The following STIM1 variants were observed in gnomAD, a reference collection of about 807,000 sequenced individuals.
STIM1 encodes the protein stromal interaction molecule 1.
STIM1 carries 25 observed loss-of-function variants against 74.7 expected under a neutral mutation model. That is an observed-to-expected ratio of 0.33 (90% CI 0.24 to 0.47). STIM1 has a LOEUF of 0.47. Among genes scored for constraint, STIM1 ranks in the 20% least tolerant of loss-of-function variants. The pLI, the probability that STIM1 is intolerant of heterozygous loss-of-function variation, is 1.00. For synonymous variants in STIM1, 328 were observed against 348.8 expected (o/e 0.94, Z 0.66); for missense variants, 728 against 920.8 (o/e 0.79, Z 2.71).
intron 3 of STIM1, among the ~76,000 whole-genome samples, chr11:4,054,241 G>C (rs991445598): frequency 6.6e-6 from 1 of 152,222 alleles, no homozygotes; most frequent in East Asian, 1.9e-4. Flanking sequence ...TCCTGAAAAG[G>C]GTTGGGCCTC....
At chr11:3,968,641 A>T (rs2093362721) in intron 2 of STIM1, among the ~76,000 whole-genome samples, 1 of 152,232 alleles carries the variant, frequency 6.6e-6, no homozygotes, top group Admixed American at 6.5e-5. Context: ...TGGAGATGGG[A>T]CTGTAAATAA....
intron 1 of STIM1, among the ~76,000 whole-genome samples, chr11:3,909,128 A>G (rs1293641736): frequency 6.6e-6 from 1 of 152,148 alleles, no homozygotes; most frequent in Non-Finnish European, 1.5e-5. Flanking sequence ...AGTGCAAATC[A>G]TTCCCAAGGT....
At chr11:4,045,966 C>T (rs1292154599) in intron 3 of STIM1, among the ~76,000 whole-genome samples, 2 of 149,450 alleles carry the variant, frequency 1.3e-5, no homozygotes, top group Admixed American at 6.7e-5. Flanking sequence ...AGGGTTTCAC[C>T]ATGTTGGCCA....
In STIM1 at chr11:4,026,420, G is replaced by A. The variant is rs548719777; in HGVS notation, c.385+2433G>A. On this transcript the variant is annotated intron_variant, in intron 3 of 12. Transcript: ENST00000526596. ...AATATGTGCTAGGCACTGTTTCTAA[G>A]TGTTTTACATATATTAACTTATTTC... Among the ~76,000 whole-genome samples the A allele has an allele frequency of 2.0e-5, 3 of 152,322 alleles. No homozygotes were observed. In the South Asian group the frequency reaches 6.2e-4, roughly 32 times the overall value.
At chr11:3,924,171 G>A (rs2092756911) in intron 1 of STIM1, among the ~76,000 whole-genome samples, 2 of 149,274 alleles carry the variant, frequency 1.3e-5, no homozygotes, top group East Asian at 3.9e-4. Flanking sequence ...AAGTTGTCTT[G>A]TAGTGGTCTT....
chr11:3,959,602 CAG>C (rs1384864485), intron 1 of STIM1, among the ~76,000 whole-genome samples: 1 of 152,086 alleles, frequency 6.6e-6, no homozygotes, highest in African/African-American at 2.4e-5. Context: ...ATTAATATAA[CAG>C]AGCTATGCAC....
chr11:3,976,202 GC>G (rs1281553686), intron 2 of STIM1, among the ~76,000 whole-genome samples: 1 of 152,146 alleles, frequency 6.6e-6, no homozygotes, highest in East Asian at 1.9e-4. Flanking sequence ...AAAACAAAAA[GC>G]AAAACAAAGG....
intron 1 of STIM1, among the ~76,000 whole-genome samples, chr11:3,944,991 C>T (rs973360789): frequency 6.6e-6 from 1 of 152,194 alleles, no homozygotes; most frequent in Non-Finnish European, 1.5e-5. Flanking sequence ...TCCATATTCT[C>T]TGACTTCCCT....
chr11:3,927,941 A>G (rs2092808473), intron 1 of STIM1, among the ~76,000 whole-genome samples: 1 of 152,196 alleles, frequency 6.6e-6, no homozygotes, highest in Non-Finnish European at 1.5e-5. Context: ...TTTGTCTTGC[A>G]ATACAGATAG....
At chr11:3,992,256 A>T (rs1404209918) in intron 2 of STIM1, among the ~76,000 whole-genome samples, 2 of 150,964 alleles carry the variant, frequency 1.3e-5, no homozygotes, top group African/African-American at 4.9e-5. Flanking sequence ...AAAAAAAAAA[A>T]CACAAAAATT....
At chr11:3,951,000 C>T (rs1405298920) in intron 1 of STIM1, among the ~76,000 whole-genome samples, 2 of 152,182 alleles carry the variant, frequency 1.3e-5, no homozygotes, top group South Asian at 2.1e-4. Flanking sequence ...AGAACAGAGA[C>T]AGGGCGAATA....
At chr11:3,909,340 C>T (rs2135471206) in intron 1 of STIM1, among the ~76,000 whole-genome samples, 1 of 152,204 alleles carries the variant, frequency 6.6e-6, no homozygotes, top group Middle Eastern at 3.4e-3. Context: ...GATCCAACTC[C>T]CCAGCTGATT....
At position 3,856,238 on chromosome 11, in the gene STIM1, A is replaced by G; in HGVS notation, c.-33A>G. ...TTGCCTCTGGGATCCCGAGGTGTCCACATCAGACGCATGTTGACTGAGACC... is the reference window on the plus strand; with the variant it reads ...TTGCCTCTGGGATCCCGAGGTGTCCGCATCAGACGCATGTTGACTGAGACC... On this transcript the variant is annotated 5_prime_UTR_variant, in exon 1 of 13. Coordinates refer to ENST00000526596, the MANE Select transcript of STIM1 (RefSeq NM_001382567.1). 1.2e-6 allele frequency: 2 copies of G among 1,613,698 alleles called. No individual in the cohort carries two copies. Among genetic ancestry groups the G allele is most frequent in the Middle Eastern group, 1.7e-4 (1 of 6,060 alleles).
At chr11:3,916,905 C>A (rs562157242) in intron 1 of STIM1, among the ~76,000 whole-genome samples, 1 of 152,128 alleles carries the variant, frequency 6.6e-6, no homozygotes, top group Non-Finnish European at 1.5e-5. Flanking sequence ...ATTTTTAAAT[C>A]TTTAAATCCC....
chr11:4,030,021 A>G (rs1338379939), intron 3 of STIM1, among the ~76,000 whole-genome samples: 2 of 152,188 alleles, frequency 1.3e-5, no homozygotes, highest in East Asian at 1.9e-4. Flanking sequence ...CTGGAGAGCT[A>G]GGAAGCCTTT....
intron 2 of STIM1, chr11:4,018,840 G>A (rs1195834822): frequency 6.6e-6 from 1 of 152,176 alleles, no homozygotes; most frequent in Non-Finnish European, 1.5e-5. Context: ...CCATTCTTGG[G>A]ATACTCTTCT....
At chr11:3,976,696 G>A (rs978397305) in intron 2 of STIM1, among the ~76,000 whole-genome samples, 11 of 151,994 alleles carry the variant, frequency 7.2e-5, no homozygotes, top group South Asian at 4.1e-4. Context: ...GTCTCACTAT[G>A]TTGCTTAGGC....
intron 3 of STIM1, among the ~76,000 whole-genome samples, chr11:4,032,835 A>C (rs1271875883): frequency 1.3e-5 from 2 of 152,200 alleles, no homozygotes. Flanking sequence ...TTACTATGTA[A>C]ATGGTATTTT....
chr11:3,935,167 A>T (rs1207905463), intron 1 of STIM1, among the ~76,000 whole-genome samples: 1 of 152,196 alleles, frequency 6.6e-6, no homozygotes, highest in African/African-American at 2.4e-5. Flanking sequence ...CATAGGGCTG[A>T]GAGCCTGAAA....
Sources: allele counts gnomAD v4.1 joint callset (sites outside exome capture counted in the v4.1 genomes callset), GRCh38; gene constraint gnomAD v4.1.1; transcripts MANE v1.5; gene names NCBI Gene and HGNC (gene_info 2026-07-23, HGNC 2026-07-21).